Variants in SV2B observed in about 807,000 individuals in gnomAD.
SV2B encodes the protein synaptic vesicle glycoprotein 2B.
A neutral mutation model predicts 73.9 loss-of-function variants in SV2B; 41 were observed. The ratio of observed to expected loss-of-function variants is 0.56; its 90% CI spans 0.43 to 0.72. The LOEUF is 0.72. Ranked by LOEUF, SV2B falls within the 30% of genes least tolerant of loss-of-function variation. The pLI, the probability that SV2B is intolerant of heterozygous loss-of-function variation, is 0.00. For missense variants in SV2B, 764 were observed against 857.8 expected (o/e 0.89, Z 1.37); for synonymous variants, 314 against 314.2 (o/e 1.00, Z 0.01).
In SV2B at chr15:91,227,241, A is replaced by C. The variant is rs1395068972; in HGVS notation, c.451+527A>C. 6.6e-6 allele frequency among the ~76,000 whole-genome samples: 1 copy of C among 152,202 alleles called. No homozygotes were observed. Among genetic ancestry groups the C allele is most frequent in the Non-Finnish European group, 1.5e-5 (1 of 68,028 alleles). ...ACCCTGGGGATGAATGGTGGGCTTA[A>C]GCACACCCGTGGAGTCCCTGCAGGC... On this transcript the variant is annotated intron_variant, in intron 2 of 12. Coordinates refer to ENST00000394232, the MANE Select transcript of SV2B (RefSeq NM_001323032.3). The surrounding 1 kb of genome is among the most constrained non-coding windows in gnomAD (Gnocchi z 4.5).
At chr15:91,151,288 G>C (rs370532883) in intron 1 of SV2B, among the ~76,000 whole-genome samples, 27 of 152,294 alleles carry the variant, frequency 1.8e-4, no homozygotes, top group African/African-American at 6.0e-4. Context: ...CAAATTACCA[G>C]GTGGCTTCCA....
Position 91,267,621 on chromosome 15 carries a change from G to A in SV2B, c.1186G>A (p.Val396Ile). 6.2e-7 allele frequency: 1 copy of A among 1,612,832 alleles called. No individual in the cohort carries two copies. Among genetic ancestry groups the A allele is most frequent in the Non-Finnish European group, 8.5e-7 (1 of 1,179,392 alleles). ...AATGAATACACTGATTCTGGCCGTG[G>A]TTTGGTTTGCCATGGCATTCAGGTA... ...YRMNTLILAV[V>I]WFAMAFSYYG... is the part of the protein sequence containing the mutation. The change falls in exon 8 of 13, where the codon GTT becomes ATT. Residue 396 changes from valine (V) to isoleucine (I), a missense_variant. Coordinates refer to ENST00000394232, the MANE Select transcript of SV2B (RefSeq NM_001323032.3). This position sits in a 1 kb window ranked among gnomAD's most constrained non-coding sequence, Gnocchi z 4.3.
chr15:91,279,985 T>C (rs1313785443), intron 9 of SV2B, among the ~76,000 whole-genome samples: 1 of 152,246 alleles, frequency 6.6e-6, no homozygotes, highest in Non-Finnish European at 1.5e-5. Context: ...TTTGGTTTTC[T>C]AGACCAATGA....
intron 2 of SV2B, among the ~76,000 whole-genome samples, chr15:91,238,889 A>G (rs2046894554): frequency 6.6e-6 from 1 of 152,088 alleles, no homozygotes; most frequent in African/African-American, 2.4e-5. Flanking sequence ...CCGGTCAGAC[A>G]GAGAACACTC....
chr15:91,247,389 A>G (rs60116180), intron 2 of SV2B, among the ~76,000 whole-genome samples: 3,009 of 152,354 alleles, frequency 0.02, 38 homozygotes, highest in Middle Eastern at 0.048. Context: ...GAGACAAATC[A>G]TACCAGTTAC....
intron 1 of SV2B, among the ~76,000 whole-genome samples, chr15:91,163,420 T>C (rs2043797661): frequency 1.3e-5 from 2 of 152,174 alleles, no homozygotes; most frequent in Admixed American, 6.5e-5. Context: ...TCCTCTCCAG[T>C]ACCTGTTGTT....
At chr15:91,286,912 G>A (rs934923641) in intron 11 of SV2B, among the ~76,000 whole-genome samples, 3 of 152,130 alleles carry the variant, frequency 2.0e-5, no homozygotes, top group African/African-American at 7.2e-5. Flanking sequence ...TGAAGGATCA[G>A]GGAAGGCCTC....
chr15:91,127,086 C>T (rs891589144), intron 1 of SV2B, among the ~76,000 whole-genome samples: 2 of 152,234 alleles, frequency 1.3e-5, no homozygotes, highest in African/African-American at 4.8e-5. Context: ...CCTCTCTAAG[C>T]TTGCCTTAGT....
At chr15:91,114,676 T>C (rs1307202723) in intron 1 of SV2B, among the ~76,000 whole-genome samples, 2 of 152,212 alleles carry the variant, frequency 1.3e-5, no homozygotes, top group African/African-American at 4.8e-5. Flanking sequence ...AGCAGCTTTA[T>C]GATGAGAATC....
chr15:91,207,543 A>G (rs1181771662), intron 1 of SV2B, among the ~76,000 whole-genome samples: 1 of 152,186 alleles, frequency 6.6e-6, no homozygotes, highest in African/African-American at 2.4e-5. Context: ...GGCAATATCC[A>G]CCAAGTCTGT....
Position 91,302,159 on chromosome 15 carries a change from G to A in SV2B, c.*9607G>A, listed in dbSNP as rs561720426. Among the ~76,000 whole-genome samples the A allele has an allele frequency of 1.3e-5, 2 of 152,314 alleles. No individual in the cohort carries two copies. Among genetic ancestry groups the A allele is most frequent in the African/African-American group, 2.4e-5 (1 of 41,558 alleles). ...TTGTGACTAACACAGTATTTGATAC[G>A]TAGTAGGTCTCAATAGATGATGAAT... On this transcript the variant is annotated 3_prime_UTR_variant, in exon 13 of 13. Coordinates refer to ENST00000394232, the MANE Select transcript of SV2B (RefSeq NM_001323032.3).
At chr15:91,209,728 A>C (rs1168485684) in intron 1 of SV2B, among the ~76,000 whole-genome samples, 1 of 152,154 alleles carries the variant, frequency 6.6e-6, no homozygotes, top group Admixed American at 6.5e-5. Context: ...GGCCTTTCTC[A>C]GCTCCTGTTA....
At chr15:91,222,819 A>T (rs2046260557) in intron 1 of SV2B, among the ~76,000 whole-genome samples, 1 of 152,216 alleles carries the variant, frequency 6.6e-6, no homozygotes. Flanking sequence ...ATTGGCTGTA[A>T]GAATAAATGA....
intron 1 of SV2B, among the ~76,000 whole-genome samples, chr15:91,221,523 C>T (rs542571467): frequency 1.1e-4 from 17 of 152,182 alleles, no homozygotes; most frequent in African/African-American, 4.1e-4. Context: ...CAGAATTTGG[C>T]TCCTTAGGGT....
At chr15:91,158,580 G>A (rs978044880) in intron 1 of SV2B, among the ~76,000 whole-genome samples, 14 of 151,252 alleles carry the variant, frequency 9.3e-5, no homozygotes, top group Non-Finnish European at 1.6e-4. Flanking sequence ...GTGGGGTAGG[G>A]GAGGGGGTGC....
intron 1 of SV2B, among the ~76,000 whole-genome samples, chr15:91,120,539 C>T (rs920327867): frequency 1.3e-5 from 2 of 152,070 alleles, no homozygotes; most frequent in African/African-American, 2.4e-5. Context: ...AGGGCAGGCA[C>T]GGTGGCTCAC....
intron 1 of SV2B, among the ~76,000 whole-genome samples, chr15:91,170,415 G>A (rs1390376081): frequency 2.0e-5 from 3 of 152,098 alleles, no homozygotes; most frequent in African/African-American, 7.2e-5. Context: ...AGCCTCCCGA[G>A]TAGCTGGAAC....
In SV2B at chr15:91,261,770, C is replaced by T. The variant is rs2047916969; in HGVS notation, c.1008+1361C>T. Among the ~76,000 whole-genome samples the T allele has an allele frequency of 6.6e-6, 1 of 152,148 alleles. No homozygotes were observed. Among genetic ancestry groups the T allele is most frequent in the Admixed American group, 6.5e-5 (1 of 15,268 alleles). On this transcript the variant is annotated intron_variant, in intron 6 of 12. Transcript: ENST00000394232. This position sits in a 1 kb window ranked among gnomAD's most constrained non-coding sequence, Gnocchi z 4.7. The stretch of plus-strand genomic sequence containing the variant: ...TTTTGTTTCTTGCCAGTTTTAAAAG[C>T]AGACAAAACAAACAAACAAAAAACC...
intron 1 of SV2B, among the ~76,000 whole-genome samples, chr15:91,186,587 G>A (rs1303686428): frequency 6.6e-6 from 1 of 152,148 alleles, no homozygotes; most frequent in African/African-American, 2.4e-5. Context: ...TATTAAGCAA[G>A]TTTTGGAAAT....
Sources: allele counts gnomAD v4.1 joint callset (sites outside exome capture counted in the v4.1 genomes callset), GRCh38; gene constraint gnomAD v4.1.1; non-coding constraint Gnocchi (gnomAD v3.1); transcripts MANE v1.5; gene names NCBI Gene and HGNC (gene_info 2026-07-23, HGNC 2026-07-21).